Variants in MAX observed in about 807,000 individuals in gnomAD.
MAX encodes the protein protein max.
MAX carries 3 observed loss-of-function variants against 22.3 expected under a neutral mutation model. The observed-to-expected ratio is 0.13, with a 90% confidence interval of 0.06 to 0.35. The LOEUF is 0.35. MAX is among the 10% of genes least tolerant of loss of function. The pLI, the probability that MAX is intolerant of heterozygous loss-of-function variation, is 1.00. For synonymous variants in MAX, 72 were observed against 77.7 expected, an observed-to-expected ratio of 0.93 and a Z score of 0.39; for missense variants, 119 against 209.4, an observed-to-expected ratio of 0.57 and a Z score of 2.66.
In MAX at chr14:65,049,124, C is replaced by CT. The variant is rs1186425476; in HGVS notation, c.172-42841dup. Among the ~76,000 whole-genome samples, 7 of 95,172 alleles carry CT rather than the reference C, an allele frequency of 7.4e-5. No homozygotes were observed. The South Asian group carries it at 1.8e-3, about 25-fold the overall frequency. The allele number at this position is 95,172 out of a possible 152,430, so 62.4% of individuals were successfully genotyped here. ...CCTGGGTAACAGGGCAGGACTCCGT[C>CT]TAAAAAAAAAAAAAAAAGGCTTAAG... On this transcript the variant is annotated intron_variant, in intron 3 of 3. Transcript: ENST00000341653.
In MAX at chr14:65,102,367, C is replaced by T. The variant is rs2139978347; in HGVS notation, c.-28G>A. On this transcript the variant is annotated 5_prime_UTR_variant, in exon 1 of 5. Transcript: ENST00000358664. ...CCTACGGCCCAGGGAGCGGCCACTG[C>T]AGCGGCGGCGGGGAGGGGAAGGGGT... The T allele has an allele frequency of 1.2e-6, 2 of 1,612,806 alleles. No homozygotes were observed. The highest frequency in any genetic ancestry group is 1.7e-6 in the Non-Finnish European group (2 of 1,179,446).
At position 65,076,469 on chromosome 14, in the gene MAX, G is replaced by C. The variant is rs199514174; in HGVS notation, c.*7C>G. 3 of 1,612,926 alleles carry C rather than the reference G, an allele frequency of 1.9e-6. No homozygotes were observed. The East Asian group carries it at 6.7e-5, about 36-fold the overall frequency. On this transcript the variant is annotated 3_prime_UTR_variant, in exon 5 of 5. Coordinates refer to ENST00000358664, the MANE Select transcript of MAX (RefSeq NM_002382.5). This position sits in a 1 kb window ranked among gnomAD's most constrained non-coding sequence, Gnocchi z 6.6. ...ACAGTTTTTATTGCTGGCCTGCCCC[G>C]AGTGGCTTAGCTGGCCTCCATCCGG... is the stretch of plus-strand genomic sequence containing the variant.
intron 3 of MAX, among the ~76,000 whole-genome samples, chr14:65,056,921 G>A (rs2062749309): frequency 6.6e-6 from 1 of 152,208 alleles, no homozygotes; most frequent in African/African-American, 2.4e-5. Flanking sequence ...CTTCTGGCAA[G>A]GGTTGTGCTG....
chr14:65,073,370 T>G (rs896934434), downstream of MAX, among the ~76,000 whole-genome samples: 1 of 152,264 alleles, frequency 6.6e-6, no homozygotes, highest in Non-Finnish European at 1.5e-5. Flanking sequence ...CTGTCTCAGC[T>G]AAGATGACAG....
At chr14:65,096,554 G>A (rs1296121641) in intron 2 of MAX, among the ~76,000 whole-genome samples, 2 of 151,998 alleles carry the variant, frequency 1.3e-5, no homozygotes, top group African/African-American at 4.8e-5. Context: ...CCCCATTGGA[G>A]GACTAGTTTG....
Position 65,054,340 on chromosome 14 carries a change from G to C in MAX, c.171+39368C>G, listed in dbSNP as rs1002946659. Among the ~76,000 whole-genome samples the C allele has an allele frequency of 2.0e-5, 3 of 151,758 alleles. No homozygotes were observed. The highest frequency in any genetic ancestry group is 4.4e-5 in the Non-Finnish European group (3 of 67,982). The stretch of plus-strand genomic sequence containing the variant: ...TGCCCAAGTTGGTTTTGAACTCCTG[G>C]CCTCAAACCGTTCTCTTGCCTCAGC... On this transcript the variant is annotated intron_variant, in intron 3 of 3. Transcript: ENST00000341653. The surrounding 1 kb of genome is among the most constrained non-coding windows in gnomAD (Gnocchi z 4.4).
intron 3 of MAX, among the ~76,000 whole-genome samples, chr14:65,040,422 T>G (rs935708354): frequency 6.6e-6 from 1 of 151,748 alleles, no homozygotes; most frequent in Non-Finnish European, 1.5e-5. Context: ...TCTGGGTTTT[T>G]AACATTTTAC....
rs562723220 is a variant in MAX, at chr14:65,044,292, C to T, written c.172-38008G>A. The stretch of plus-strand genomic sequence containing the variant: ...TCTCTTTTAGCCTACAACTGCCTTT[C>T]CCATCTGTGTCTCCTCAGCAATGGG... On this transcript the variant is annotated intron_variant, in intron 3 of 3. Coordinates refer to the MAX transcript ENST00000341653. This position sits in a 1 kb window ranked among gnomAD's most constrained non-coding sequence, Gnocchi z 5.5. The T allele has an allele frequency of 5.0e-6, 8 of 1,611,940 alleles. No homozygotes were observed. In the African/African-American group the frequency reaches 5.3e-5, roughly 11 times the overall value.
In MAX at chr14:65,012,552, C is replaced by T. The variant is rs1327258030; in HGVS notation, c.172-6268G>A. On this transcript the variant is annotated intron_variant, in intron 3 of 3. Transcript: ENST00000341653. This position sits in a 1 kb window ranked among gnomAD's most constrained non-coding sequence, Gnocchi z 5.0. ...AGGGTGCTGTCACAGAGCTGGGACT[C>T]AGCCCTGAAAGGGCAGAACCTAGTC... Among the ~76,000 whole-genome samples the T allele has an allele frequency of 6.6e-6, 1 of 152,178 alleles. No homozygotes were observed. The highest frequency in any genetic ancestry group is 1.5e-5 in the Non-Finnish European group (1 of 68,020).
intron 3 of MAX, among the ~76,000 whole-genome samples, chr14:65,013,601 G>A: frequency 6.6e-6 from 1 of 152,218 alleles, no homozygotes; most frequent in East Asian, 1.9e-4. Flanking sequence ...CCAGGCTGGA[G>A]TGCAGTGGCA....
chr14:65,065,174 A>C (rs559947976), intron 3 of MAX, among the ~76,000 whole-genome samples: 2 of 152,306 alleles, frequency 1.3e-5, no homozygotes, highest in South Asian at 4.1e-4. Context: ...GGGATGGTAG[A>C]ATGTGTGGCC....
Position 65,102,416 on chromosome 14 carries a change from C to A in MAX, c.-77G>T, listed in dbSNP as rs1460055428. 6.4e-7 allele frequency: 1 copy of A among 1,568,726 alleles called. No individual in the cohort carries two copies. Among genetic ancestry groups the A allele is most frequent in the African/African-American group, 1.4e-5 (1 of 73,518 alleles). On this transcript the variant is annotated 5_prime_UTR_variant, in exon 1 of 5. Transcript: ENST00000358664. The stretch of plus-strand genomic sequence containing the variant: ...GTGAAGGGGAGGGGGAAGTCACCGA[C>A]AACAACAAGCCGAGTCCCCCCCACA...
In MAX at chr14:65,101,673, G is replaced by C. The variant is rs1028914457; in HGVS notation, c.37-101C>G. The C allele has an allele frequency of 5.5e-6, 5 of 907,692 alleles. No individual in the cohort carries two copies. The East Asian group carries it at 7.9e-5, about 14-fold the overall frequency. The allele number at this position is 907,692 out of a possible 1,614,324, so 56.2% of individuals were successfully genotyped here. On this transcript the variant is annotated intron_variant, in intron 1 of 4. Coordinates refer to ENST00000358664, the MANE Select transcript of MAX (RefSeq NM_002382.5). ...AAATGCCGGCGGCAGAGGAAGCGGA[G>C]GGTGGGGAGTCAGCCCGACACCCCT...
downstream of MAX, among the ~76,000 whole-genome samples, chr14:65,074,627 G>A (rs1294017557): frequency 1.3e-5 from 2 of 152,200 alleles, no homozygotes; most frequent in Non-Finnish European, 2.9e-5. Flanking sequence ...ACAAGTTCAG[G>A]CTGGTGTTGG....
At chr14:65,015,515 G>T (rs2061756542) in intron 3 of MAX, 3 of 937,534 alleles carry the variant, frequency 3.2e-6, no homozygotes, top group Middle Eastern at 2.9e-4. Flanking sequence ...GAGCAAGGGT[G>T]CCCTCCTCCC....
intron 1 of MAX, chr14:65,101,801 G>A: frequency 1.7e-6 from 1 of 585,376 alleles, no homozygotes; most frequent in East Asian, 2.9e-5. Context: ...GATCCGACCT[G>A]GGCCAGAGGG....
chr14:65,061,017 C>G (rs1641311998), intron 3 of MAX, among the ~76,000 whole-genome samples: 1 of 151,766 alleles, frequency 6.6e-6, no homozygotes, highest in South Asian at 2.1e-4. Flanking sequence ...GTCCCATGTA[C>G]TAGATAGTTT....
At chr14:65,064,751 G>A (rs970946653) in intron 3 of MAX, among the ~76,000 whole-genome samples, 1 of 152,262 alleles carries the variant, frequency 6.6e-6, no homozygotes, top group Non-Finnish European at 1.5e-5. Flanking sequence ...TGGGAACGGG[G>A]AAGGAACAAA....
intron 3 of MAX, among the ~76,000 whole-genome samples, chr14:65,064,050 C>T (rs2062906296): frequency 6.6e-6 from 1 of 152,204 alleles, no homozygotes; most frequent in Non-Finnish European, 1.5e-5. Context: ...CCAGACCCTA[C>T]AGGGAGCGGA....
Sources: allele counts gnomAD v4.1 joint callset (sites outside exome capture counted in the v4.1 genomes callset), GRCh38; gene constraint gnomAD v4.1.1; non-coding constraint Gnocchi (gnomAD v3.1); transcripts MANE v1.5; gene names NCBI Gene and HGNC (gene_info 2026-07-23, HGNC 2026-07-21).